The following CNTN4 variants were observed in gnomAD, a reference collection of about 807,000 sequenced individuals.
CNTN4 encodes the protein contactin-4.
Under a neutral mutation model 122.5 loss-of-function variants are expected in CNTN4, and 77 were observed. That is an observed-to-expected ratio of 0.63 (90% confidence interval 0.52 to 0.76). The LOEUF is 0.76. Among genes scored for constraint, CNTN4 ranks in the 30% least tolerant of loss-of-function variants. The probability of loss-of-function intolerance (pLI) is 0.00; values close to 1 mark genes in which losing one functional copy is unlikely to be tolerated. For synonymous variants in CNTN4, 512 were observed against 447.0 expected (o/e 1.15, Z -1.83); for missense variants, 1,256 against 1,259.1 (o/e 1.00, Z 0.04).
chr3:2,736,371 T>C, intron 5 of CNTN4, 30 bp downstream of exon 5: 1 of 1,604,394 alleles, frequency 6.2e-7, no homozygotes, highest in Non-Finnish European at 8.5e-7. Context: ...TGTGTTTCCA[T>C]GCATATAGTT....
intron 14 of CNTN4, among the ~76,000 whole-genome samples, chr3:3,024,384 TAAAAAAAAA>T (rs55892513): frequency 0.12 from 11,174 of 90,414 alleles, 626 homozygotes; most frequent in Admixed American, 0.18. Context: ...TTTTCCTCAT[TAAAAAAAAA>T]AAAAAAAAAA....
intron 14 of CNTN4, among the ~76,000 whole-genome samples, chr3:3,005,708 C>T (rs886312141): frequency 8.8e-5 from 13 of 147,322 alleles, no homozygotes; most frequent in African/African-American, 3.3e-4. Flanking sequence ...GGCTTTCTTT[C>T]CTCTTCTTAT....
At chr3:2,668,616 C>A (rs1426920491) in intron 4 of CNTN4, among the ~76,000 whole-genome samples, 1 of 152,176 alleles carries the variant, frequency 6.6e-6, no homozygotes, top group East Asian at 1.9e-4. Flanking sequence ...TTGGCCAGAA[C>A]TTCCAACACT....
intron 3 of CNTN4, among the ~76,000 whole-genome samples, chr3:2,559,316 A>G: frequency 6.6e-6 from 1 of 152,102 alleles, no homozygotes; most frequent in East Asian, 1.9e-4. Context: ...TTTCTACTCT[A>G]TTTTTATTTT....
At chr3:2,348,520 A>G (rs1433584980) in intron 3 of CNTN4, among the ~76,000 whole-genome samples, 1 of 152,134 alleles carries the variant, frequency 6.6e-6, no homozygotes, top group Non-Finnish European at 1.5e-5. Flanking sequence ...CATTAACTGA[A>G]ACTTATTGCA....
Position 2,806,418 on chromosome 3 carries a change from C to A in CNTN4, c.359-13068C>A, listed in dbSNP as rs1368458040. Among the ~76,000 whole-genome samples the A allele has an allele frequency of 2.0e-5, 3 of 152,196 alleles. No homozygotes were observed. In the East Asian group the frequency reaches 5.8e-4, roughly 29 times the overall value. Reference sequence around the variant, plus strand: ...ACAAGTAATATTGACGAAGGGAGGGCTGTCAGGCCGCACAAAGGATGGTAA... The same window carrying A: ...ACAAGTAATATTGACGAAGGGAGGGATGTCAGGCCGCACAAAGGATGGTAA... On this transcript the variant is annotated intron_variant, in intron 6 of 24. Coordinates refer to ENST00000418658, the MANE Select transcript of CNTN4 (RefSeq NM_175607.3).
intron 23 of CNTN4, among the ~76,000 whole-genome samples, chr3:3,051,442 T>C (rs1701261502): frequency 6.6e-6 from 1 of 152,206 alleles, no homozygotes; most frequent in Non-Finnish European, 1.5e-5. Flanking sequence ...GTGTTTCTTT[T>C]GGATTTATAT....
chr3:2,586,474 G>A (rs1268559804), intron 4 of CNTN4, among the ~76,000 whole-genome samples: 1 of 152,098 alleles, frequency 6.6e-6, no homozygotes, highest in African/African-American at 2.4e-5. Context: ...TGTATTTTTA[G>A]TAGAGATGGG....
chr3:2,779,329 C>T (rs1045106215), intron 6 of CNTN4, among the ~76,000 whole-genome samples: 15 of 151,988 alleles, frequency 9.9e-5, no homozygotes, highest in South Asian at 4.2e-4. Context: ...TGCAATGGTG[C>T]GATCTCGGCT....
chr3:2,787,097 C>T (rs556784849), intron 6 of CNTN4, among the ~76,000 whole-genome samples: 2 of 152,246 alleles, frequency 1.3e-5, no homozygotes, highest in African/African-American at 4.8e-5. Context: ...AGAAAATCGG[C>T]CAGGCGCGGT....
intron 6 of CNTN4, among the ~76,000 whole-genome samples, chr3:2,811,208 G>A (rs944097649): frequency 4.6e-5 from 7 of 151,522 alleles, no homozygotes; most frequent in East Asian, 2.0e-4. Flanking sequence ...TCAGGAGTTC[G>A]AGACCAGCCT....
chr3:2,725,929 T>C (rs1320874276), intron 4 of CNTN4, among the ~76,000 whole-genome samples: 2 of 152,200 alleles, frequency 1.3e-5, no homozygotes, highest in African/African-American at 4.8e-5. Flanking sequence ...ATAGTGTTGA[T>C]CAGGAGTTTC....
intron 2 of CNTN4, among the ~76,000 whole-genome samples, chr3:2,185,835 G>A (rs2037227090): frequency 6.6e-6 from 1 of 151,898 alleles, no homozygotes; most frequent in Non-Finnish European, 1.5e-5. Context: ...TTATTTTCTG[G>A]TTTTGTTTTA....
At chr3:2,299,900 G>A (rs1178489) in intron 2 of CNTN4, among the ~76,000 whole-genome samples, 62,241 of 151,920 alleles carry the variant, frequency 0.41, 13,106 homozygotes, top group East Asian at 0.65. Context: ...TATAAATAGC[G>A]TTTACCGCAT....
intron 2 of CNTN4, among the ~76,000 whole-genome samples, chr3:2,285,467 A>T (rs939801438): frequency 3.3e-5 from 5 of 152,120 alleles, no homozygotes; most frequent in African/African-American, 9.6e-5. Context: ...GATACCTCAC[A>T]GTTTGATTTT....
chr3:2,327,153 T>TGTG (rs1559455687), intron 2 of CNTN4, among the ~76,000 whole-genome samples: 5 of 114,004 alleles, frequency 4.4e-5, no homozygotes, highest in Admixed American at 8.4e-5. Flanking sequence ...GTGTGTGTGT[T>TGTG]TGTGTGTGTG....
intron 2 of CNTN4, among the ~76,000 whole-genome samples, chr3:2,332,944 G>C (rs2043797976): frequency 6.6e-6 from 1 of 152,146 alleles, no homozygotes; most frequent in African/African-American, 2.4e-5. Context: ...AAAGGCTCAT[G>C]ACTGTTTTTC....
At chr3:2,185,501 CA>C (rs2037211054) in intron 2 of CNTN4, among the ~76,000 whole-genome samples, 1 of 152,094 alleles carries the variant, frequency 6.6e-6, no homozygotes, top group Non-Finnish European at 1.5e-5. Context: ...GGGCACTTTC[CA>C]TATGCTCTAA....
In CNTN4 at chr3:2,485,122, G is replaced by A. The variant is rs34781132; in HGVS notation, c.-88-86294G>A. Among the ~76,000 whole-genome samples, 820 of 152,312 alleles carry A rather than the reference G, an allele frequency of 5.4e-3. 7 individuals are homozygous for A. The highest frequency in any genetic ancestry group is 0.017 in the Middle Eastern group (5 of 294). On this transcript the variant is annotated intron_variant, in intron 3 of 24. Transcript: ENST00000418658. ...CGGCCAGTGCTGCGCTCGAATTCCC[G>A]CCAGGCCTCAGCTGCCTCCCCGTGG...
Sources: gnomAD v4.1 joint callset for allele counts (sites outside exome capture counted in the v4.1 genomes callset) on GRCh38, gnomAD v4.1.1 for gene constraint, MANE v1.5 for transcripts, NCBI Gene and HGNC (gene_info 2026-07-23, HGNC 2026-07-21) for gene names.